CALD1: variants seen among roughly 807,000 people sequenced by gnomAD.
The protein encoded by CALD1 is caldesmon 1.
A neutral mutation model predicts 99.9 loss-of-function variants in CALD1; 33 were observed. The observed-to-expected ratio is 0.33, with a 90% confidence interval of 0.25 to 0.44. The LOEUF is 0.44. CALD1 is among the 20% of genes least tolerant of loss of function. The pLI is 1.00. For synonymous variants in CALD1, 310 were observed against 325.0 expected, an observed-to-expected ratio of 0.95 and a Z score of 0.50; for missense variants, 861 against 962.1, an observed-to-expected ratio of 0.89 and a Z score of 1.39.
intron 3 of CALD1, among the ~76,000 whole-genome samples, chr7:134,910,414 T>A (rs536307505): frequency 6.6e-6 from 1 of 152,334 alleles, no homozygotes; most frequent in South Asian, 2.1e-4. Flanking sequence ...GTTTACCTAG[T>A]TGTACTGAGT....
intron 3 of CALD1, among the ~76,000 whole-genome samples, chr7:134,874,671 A>G (rs1801265482): frequency 6.6e-6 from 1 of 152,216 alleles, no homozygotes; most frequent in Non-Finnish European, 1.5e-5. Flanking sequence ...CCTATTGTAG[A>G]GTTACGTTAT....
At chr7:134,892,647 AGT>A (rs1430547264) in intron 3 of CALD1, among the ~76,000 whole-genome samples, 1 of 152,198 alleles carries the variant, frequency 6.6e-6, no homozygotes, top group Non-Finnish European at 1.5e-5. Context: ...AGTTTCCGTA[AGT>A]GTGGTTGGTT....
chr7:134,716,656 C>T, the CALD1 span, among the ~76,000 whole-genome samples: 2 of 152,110 alleles, frequency 1.3e-5, no homozygotes, highest in Non-Finnish European at 2.9e-5. Context: ...AACACCATGA[C>T]CAAAGTGAGT....
rs145872631 is a variant in CALD1, at chr7:134,963,710, T to C, written c.2296-1596T>C. Among the ~76,000 whole-genome samples the C allele has an allele frequency of 4.8e-3, 726 of 152,322 alleles. 2 individuals are homozygous for C. The highest frequency in any genetic ancestry group is 8.4e-3 in the Non-Finnish European group (573 of 68,028). ...AAGACTCTAAGCTGTATAACTGTTATCGATCATATTTTAGTGTTTCCATCC... is the reference window on the plus strand; with the variant it reads ...AAGACTCTAAGCTGTATAACTGTTACCGATCATATTTTAGTGTTTCCATCC... On this transcript the variant is annotated intron_variant, in intron 13 of 14. Transcript: ENST00000361675.
intron 3 of CALD1, among the ~76,000 whole-genome samples, chr7:134,896,293 A>C (rs75635989): frequency 3.9e-5 from 6 of 152,326 alleles, no homozygotes; most frequent in Non-Finnish European, 7.4e-5. Flanking sequence ...TTTATGTTCC[A>C]GTGCTATTTC....
chr7:134,965,914 T>A (rs1808649302), intron 14 of CALD1, among the ~76,000 whole-genome samples: 1 of 151,868 alleles, frequency 6.6e-6, no homozygotes. Context: ...AATGATTGGG[T>A]TCCTCTTACT....
chr7:134,936,967 A>C (rs1310044569), intron 6 of CALD1, among the ~76,000 whole-genome samples: 1 of 152,230 alleles, frequency 6.6e-6, no homozygotes, highest in Non-Finnish European at 1.5e-5. Flanking sequence ...TTTGGTGACC[A>C]AATACCTACA....
intron 1 of CALD1, among the ~76,000 whole-genome samples, chr7:134,749,559 G>A (rs1796666544): frequency 6.6e-6 from 1 of 152,174 alleles, no homozygotes; most frequent in Non-Finnish European, 1.5e-5. Flanking sequence ...GTTGCAGTGA[G>A]CTAAGATCGC....
At chr7:134,919,771 A>G (rs931520326) in intron 3 of CALD1, among the ~76,000 whole-genome samples, 8 of 152,218 alleles carry the variant, frequency 5.3e-5, no homozygotes, top group African/African-American at 1.7e-4. Flanking sequence ...GAACCCCACA[A>G]TGAAATAATA....
chr7:134,765,949 C>CCT (rs753412182), intron 1 of CALD1, among the ~76,000 whole-genome samples: 11 of 150,054 alleles, frequency 7.3e-5, no homozygotes, highest in South Asian at 2.1e-4. Context: ...GTGTATGGCA[C>CCT]CTCTCTCTCT....
chr7:134,910,003 A>T (rs1055156115), intron 3 of CALD1, among the ~76,000 whole-genome samples: 2 of 152,234 alleles, frequency 1.3e-5, no homozygotes, highest in African/African-American at 4.8e-5. Flanking sequence ...CAGCTTAGAA[A>T]GCACAAGCCC....
At chr7:134,763,944 C>T (rs1389738273) in intron 1 of CALD1, among the ~76,000 whole-genome samples, 1 of 151,134 alleles carries the variant, frequency 6.6e-6, no homozygotes, top group Non-Finnish European at 1.5e-5. Flanking sequence ...AAAAGTATTT[C>T]CCACTTTAAC....
chr7:134,713,245 A>G, the CALD1 span, among the ~76,000 whole-genome samples: 1 of 152,226 alleles, frequency 6.6e-6, no homozygotes, highest in Non-Finnish European at 1.5e-5. Context: ...TAGAACCTAC[A>G]CTTCATGTTA....
intron 7 of CALD1, among the ~76,000 whole-genome samples, chr7:134,945,973 A>T (rs1584640639): frequency 6.6e-6 from 1 of 152,180 alleles, no homozygotes; most frequent in African/African-American, 2.4e-5. Flanking sequence ...ACCCTTAGTT[A>T]CAGCCACTTT....
At chr7:134,942,630 T>C (rs940233195) in intron 7 of CALD1, among the ~76,000 whole-genome samples, 2 of 152,244 alleles carry the variant, frequency 1.3e-5, no homozygotes, top group African/African-American at 4.8e-5. Context: ...TAAAACTTGC[T>C]GAAGTGTCTG....
chr7:134,851,460 G>T (rs1800078423), intron 2 of CALD1, among the ~76,000 whole-genome samples: 1 of 152,308 alleles, frequency 6.6e-6, no homozygotes, highest in South Asian at 2.1e-4. Context: ...AGGAATCTGA[G>T]CAAGCACTTG....
intron 1 of CALD1, among the ~76,000 whole-genome samples, chr7:134,786,054 T>C (rs568027511): frequency 6.6e-6 from 1 of 152,240 alleles, no homozygotes; most frequent in East Asian, 1.9e-4. Flanking sequence ...TGGTCACTGA[T>C]AGTGATATCT....
At chr7:134,756,355 G>T (rs1311365913) in intron 1 of CALD1, among the ~76,000 whole-genome samples, 2 of 66,332 alleles carry the variant, frequency 3.0e-5, no homozygotes, top group Admixed American at 1.6e-4. Flanking sequence ...CTATCATATG[G>T]CATTTTTTTC....
At chr7:134,945,140 T>A (rs1806757404) in intron 7 of CALD1, among the ~76,000 whole-genome samples, 1 of 152,206 alleles carries the variant, frequency 6.6e-6, no homozygotes, top group South Asian at 2.1e-4. Flanking sequence ...TGCAATGAAA[T>A]CCCTGTGTAT....
Sources: gnomAD v4.1 joint callset for allele counts (sites outside exome capture counted in the v4.1 genomes callset) on GRCh38, gnomAD v4.1.1 for gene constraint, MANE v1.5 for transcripts, NCBI Gene and HGNC (gene_info 2026-07-23, HGNC 2026-07-21) for gene names.